HIP1: variants seen among roughly 807,000 people sequenced by gnomAD.
The protein encoded by HIP1 is huntingtin interacting protein 1.
Under a neutral mutation model 147.6 loss-of-function variants are expected in HIP1, and 65 were observed. The observed-to-expected ratio is 0.44, with a 90% confidence interval of 0.36 to 0.54. The LOEUF is 0.54. HIP1 is among the 20% of genes least tolerant of loss of function. The probability of loss-of-function intolerance (pLI) is 0.00; values close to 1 mark genes in which losing one functional copy is unlikely to be tolerated. For synonymous variants in HIP1, 479 were observed against 504.0 expected, an observed-to-expected ratio of 0.95 and a Z score of 0.67; for missense variants, 1,061 against 1,299.6, an observed-to-expected ratio of 0.82 and a Z score of 2.82.
At chr7:75,688,861 C>A (rs1238404284) in intron 1 of HIP1, among the ~76,000 whole-genome samples, 1 of 152,162 alleles carries the variant, frequency 6.6e-6, no homozygotes, top group African/African-American at 2.4e-5. Context: ...TCCTACTGAC[C>A]AGCTGACCGG....
At chr7:75,552,085 T>C (rs1554492265) in intron 22 of HIP1, among the ~76,000 whole-genome samples, 1 of 151,768 alleles carries the variant, frequency 6.6e-6, no homozygotes, top group Non-Finnish European at 1.5e-5. Flanking sequence ...GAGATGGGGT[T>C]TTGCCATGTT....
At chr7:75,634,995 G>GCACCA (rs1225975810) in intron 1 of HIP1, among the ~76,000 whole-genome samples, 2 of 136,162 alleles carry the variant, frequency 1.5e-5, no homozygotes, top group Non-Finnish European at 3.2e-5. Flanking sequence ...ATACTGTAAA[G>GCACCA]CACCACACAA....
At chr7:75,687,797 C>T (rs575492092) in intron 1 of HIP1, among the ~76,000 whole-genome samples, 1 of 152,306 alleles carries the variant, frequency 6.6e-6, no homozygotes, top group South Asian at 2.1e-4. Context: ...AACCTTCCTT[C>T]CCAGCCTCCT....
At chr7:75,631,568 C>T (rs989072356) in intron 1 of HIP1, among the ~76,000 whole-genome samples, 1 of 152,088 alleles carries the variant, frequency 6.6e-6, no homozygotes, top group Non-Finnish European at 1.5e-5. Context: ...AATATGCCTC[C>T]CACCCTGACC....
At chr7:75,547,888 T>C (rs1299015441) in intron 23 of HIP1, 75 bp from the exon 24 acceptor site, 5 of 1,320,182 alleles carry the variant, frequency 3.8e-6, no homozygotes, top group Non-Finnish European at 5.5e-6. Context: ...ATACTTTCAG[T>C]CCAACATCGT....
chr7:75,579,210 T>C (rs782043294), intron 7 of HIP1, among the ~76,000 whole-genome samples: 7 of 152,330 alleles, frequency 4.6e-5, no homozygotes, highest in Middle Eastern at 3.4e-3. Context: ...CTGCGTTTTA[T>C]TTTTATTTCT....
At chr7:75,582,261 G>A in intron 5 of HIP1, 110 bp from the exon 6 acceptor site, 1 of 789,344 alleles carries the variant, frequency 1.3e-6, no homozygotes, top group Non-Finnish European at 2.1e-6. Context: ...AGGCCGAGGT[G>A]GGAGGATTGC....
intron 1 of HIP1, among the ~76,000 whole-genome samples, chr7:75,618,787 A>T (rs1797749548): frequency 6.6e-6 from 1 of 152,090 alleles, no homozygotes; most frequent in South Asian, 2.1e-4. Context: ...CTGTCAAGTG[A>T]ATGAGCCAAG....
Position 75,676,360 on chromosome 7 carries a change from G to A in HIP1, c.120+62441C>T, listed in dbSNP as rs117839139. On this transcript the variant is annotated intron_variant, in intron 1 of 30. Coordinates refer to ENST00000336926, the MANE Select transcript of HIP1 (RefSeq NM_005338.7). ...CTGCCTCAGCTTTCACGTTCTGCTCGCACAGAGCCTCAAGGTCAGTCCAAG... is the reference window on the plus strand; with the variant it reads ...CTGCCTCAGCTTTCACGTTCTGCTCACACAGAGCCTCAAGGTCAGTCCAAG... 8.4e-3 allele frequency among the ~76,000 whole-genome samples: 1,279 copies of A among 152,212 alleles called. 10 individuals are homozygous for A. The highest frequency in any genetic ancestry group is 0.024 in the South Asian group (116 of 4,822).
intron 1 of HIP1, among the ~76,000 whole-genome samples, chr7:75,692,659 G>T (rs577224766): frequency 6.6e-6 from 1 of 151,450 alleles, no homozygotes; most frequent in Non-Finnish European, 1.5e-5. Context: ...CAAACTTCTG[G>T]CATGATGTGA....
At position 75,705,078 on chromosome 7, in the gene HIP1, A is replaced by G. The variant is rs150178073; in HGVS notation, c.120+33723T>C. ...TTAAGTGTACAGTTCACTGGCACTG[A>G]GAACATTCACACTATTGTACAACCA... On this transcript the variant is annotated intron_variant, in intron 1 of 30. Transcript: ENST00000336926. Among the ~76,000 whole-genome samples, 10 of 152,344 alleles carry G rather than the reference A, an allele frequency of 6.6e-5. No homozygotes were observed. In the East Asian group the frequency reaches 1.7e-3, roughly 26 times the overall value.
chr7:75,642,590 C>T (rs116480417), intron 1 of HIP1, among the ~76,000 whole-genome samples: 233 of 152,294 alleles, frequency 1.5e-3, no homozygotes, highest in African/African-American at 5.4e-3. Context: ...ATGCTATAGA[C>T]ATATCTGCCC....
chr7:75,649,744 A>C (rs1272922401), intron 1 of HIP1, among the ~76,000 whole-genome samples: 1 of 152,108 alleles, frequency 6.6e-6, no homozygotes, highest in Admixed American at 6.6e-5. Context: ...GTCTTGGCTG[A>C]AGCTGAGGGC....
intron 1 of HIP1, among the ~76,000 whole-genome samples, chr7:75,599,807 A>G (rs1235458534): frequency 6.7e-6 from 1 of 148,284 alleles, no homozygotes; most frequent in African/African-American, 2.5e-5. Context: ...GACATTAAAC[A>G]TTCCCTCTCA....
At chr7:75,682,409 T>G (rs552668634) in intron 1 of HIP1, among the ~76,000 whole-genome samples, 2 of 151,696 alleles carry the variant, frequency 1.3e-5, no homozygotes, top group Non-Finnish European at 2.9e-5. Context: ...GGAGGCTACA[T>G]GCTACTATAG....
At position 75,581,224 on chromosome 7, in the gene HIP1, G is replaced by A. The variant is rs1554498519; in HGVS notation, c.604+13C>T. 1 of 1,600,808 alleles carries A rather than the reference G, an allele frequency of 6.2e-7. No homozygotes were observed. Among genetic ancestry groups the A allele is most frequent in the African/African-American group, 1.3e-5 (1 of 74,682 alleles). ...CATGAGAGCCTGGGTTAGACGGGAG[G>A]GAAGAGACTCACCTGTTTGGAAGAG... On this transcript the variant is annotated intron_variant, in intron 7 of 30. Coordinates refer to ENST00000336926, the MANE Select transcript of HIP1 (RefSeq NM_005338.7).
At chr7:75,585,416 T>A (rs1554499376) in intron 5 of HIP1, among the ~76,000 whole-genome samples, 4 of 152,064 alleles carry the variant, frequency 2.6e-5, no homozygotes. Context: ...CCTCAGACGA[T>A]CCGCCCGCCT....
intron 1 of HIP1, among the ~76,000 whole-genome samples, chr7:75,610,255 C>CTGG (rs1554504619): frequency 1.4e-5 from 2 of 148,030 alleles, no homozygotes; most frequent in Non-Finnish European, 3.0e-5. Flanking sequence ...GTCACCCAGG[C>CTGG]TGGTGTGCAG....
chr7:75,606,020 G>GT (rs1554503774), intron 1 of HIP1, among the ~76,000 whole-genome samples: 2 of 151,834 alleles, frequency 1.3e-5, no homozygotes, highest in African/African-American at 2.4e-5. Context: ...TGGCTAGTTG[G>GT]TTTTTTTAAA....
Sources: gnomAD v4.1 joint callset for allele counts (sites outside exome capture counted in the v4.1 genomes callset) on GRCh38, gnomAD v4.1.1 for gene constraint, MANE v1.5 for transcripts, NCBI Gene and HGNC (gene_info 2026-07-23, HGNC 2026-07-21) for gene names.